The following PLCG2 variants were observed in gnomAD, a reference collection of about 807,000 sequenced individuals.
PLCG2 encodes the protein 1-phosphatidylinositol 4,5-bisphosphate phosphodiesterase gamma-2.
A neutral mutation model predicts 175.6 loss-of-function variants in PLCG2; 69 were observed. The ratio of observed to expected loss-of-function variants is 0.39; its 90% CI spans 0.32 to 0.48. The LOEUF (loss-of-function observed/expected upper bound fraction) is 0.48. Among genes scored for constraint, PLCG2 ranks in the 20% least tolerant of loss-of-function variants. The probability of loss-of-function intolerance (pLI) is 0.91; values close to 1 mark genes in which losing one functional copy is unlikely to be tolerated. For missense variants in PLCG2, 1,798 were observed against 1,650.9 expected, an observed-to-expected ratio of 1.09 and a Z score of -1.54; for synonymous variants, 827 against 624.0, an observed-to-expected ratio of 1.33 and a Z score of -4.85.
At chr16:81,818,180 C>T (rs186281329) in intron 2 of PLCG2, among the ~76,000 whole-genome samples, 165 of 152,338 alleles carry the variant, frequency 1.1e-3, no homozygotes, top group South Asian at 3.7e-3. Flanking sequence ...AGGATTGCTT[C>T]GGCCCTCTGT....
At chr16:81,751,352 G>A (rs1235768877) in intron 1 of PLCG2, among the ~76,000 whole-genome samples, 1 of 152,180 alleles carries the variant, frequency 6.6e-6, no homozygotes, top group African/African-American at 2.4e-5. Context: ...AGAACATTAT[G>A]CTAAGTGAAA....
chr16:81,811,155 A>G (rs150947179), intron 2 of PLCG2, among the ~76,000 whole-genome samples: 17 of 152,280 alleles, frequency 1.1e-4, no homozygotes, highest in African/African-American at 3.9e-4. Context: ...TTGGGGTTGA[A>G]CAAGCCTGGG....
chr16:81,911,519 C>T (rs1021286355), intron 18 of PLCG2, among the ~76,000 whole-genome samples: 1 of 152,100 alleles, frequency 6.6e-6, no homozygotes, highest in African/African-American at 2.4e-5. Flanking sequence ...CTCGCAGCAG[C>T]CTCGAGCTCC....
At chr16:81,915,955 C>T (rs560402637) in intron 19 of PLCG2, among the ~76,000 whole-genome samples, 1 of 152,302 alleles carries the variant, frequency 6.6e-6, no homozygotes, top group South Asian at 2.1e-4. Context: ...GTAGAAAGCA[C>T]AGTTTTCTAG....
chr16:81,790,583 C>T (rs9930647), intron 2 of PLCG2, among the ~76,000 whole-genome samples: 1 of 152,206 alleles, frequency 6.6e-6, no homozygotes, highest in East Asian at 1.9e-4. Flanking sequence ...CAGGAACTTG[C>T]TGGTTACTGT....
chr16:81,813,034 A>G (rs1046104749), intron 2 of PLCG2, among the ~76,000 whole-genome samples: 6 of 152,114 alleles, frequency 3.9e-5, no homozygotes, highest in African/African-American at 7.2e-5. Flanking sequence ...AATGGTCTGT[A>G]TATCTATTTT....
In PLCG2 at chr16:81,910,649, C is replaced by G. The variant is rs1380649546; in HGVS notation, c.1863C>G (p.His621Gln). The change falls in exon 18 of 33, where the codon CAC (histidine) becomes CAG (glutamine). Residue 621 changes from histidine to glutamine, a missense_variant. Coordinates refer to ENST00000564138, the MANE Select transcript of PLCG2 (RefSeq NM_002661.5). ...TCATCCAGCACTACCGCGAGACGCA[C>G]CTGCGCTGCGCCGAGTTCGAGCTGC... ...YALIQHYRETHLRCAEFELRL... is the reference protein window; with the variant it reads ...YALIQHYRETQLRCAEFELRL... 1.2e-6 allele frequency: 2 copies of G among 1,613,922 alleles called. No individual in the cohort carries two copies. The highest frequency in any genetic ancestry group is 2.7e-5 in the African/African-American group (2 of 75,072).
At chr16:81,835,164 A>G (rs1282576319) in intron 2 of PLCG2, among the ~76,000 whole-genome samples, 1 of 152,240 alleles carries the variant, frequency 6.6e-6, no homozygotes, top group Non-Finnish European at 1.5e-5. Flanking sequence ...TTTGAGCCTT[A>G]GAATTTTATG....
intron 2 of PLCG2, among the ~76,000 whole-genome samples, chr16:81,789,571 G>A (rs1911134452): frequency 1.3e-5 from 2 of 152,202 alleles, no homozygotes; most frequent in South Asian, 4.1e-4. Context: ...TTACAGACAG[G>A]AACTACCATG....
chr16:81,857,382 CTTG>C (rs1323313927), intron 3 of PLCG2, among the ~76,000 whole-genome samples: 1 of 152,158 alleles, frequency 6.6e-6, no homozygotes, highest in Non-Finnish European at 1.5e-5. Context: ...ATAATGGATT[CTTG>C]TTTAAAATCC....
chr16:81,923,230 C>T (rs1910128357), intron 21 of PLCG2, among the ~76,000 whole-genome samples: 2 of 144,078 alleles, frequency 1.4e-5, no homozygotes, highest in African/African-American at 5.1e-5. Context: ...CAAACCCTAA[C>T]TCCTAACCCC....
Position 81,910,703 on chromosome 16 carries a change from C to A in PLCG2, c.1917C>A (p.Asn639Lys). The change falls in exon 18 of 33, where the codon AAC (asparagine) becomes AAA (lysine). Residue 639 changes from asparagine (N) to lysine (K), a missense_variant. Transcript: ENST00000564138. Reference protein sequence around the residue: ...LRLTDPVPNPNPHESKPWYYD... With the variant: ...LRLTDPVPNPKPHESKPWYYD... The stretch of plus-strand genomic sequence containing the variant: ...TCACGGACCCTGTGCCCAACCCCAA[C>A]CCCCACGAGTCCAAGCCGTACGTGT... 1 of 1,610,028 alleles carries A rather than the reference C, an allele frequency of 6.2e-7. No homozygotes were observed. The highest frequency in any genetic ancestry group is 8.5e-7 in the Non-Finnish European group (1 of 1,179,940).
intron 2 of PLCG2, among the ~76,000 whole-genome samples, chr16:81,829,289 A>C (rs1436327995): frequency 6.6e-6 from 1 of 152,080 alleles, no homozygotes; most frequent in African/African-American, 2.4e-5. Context: ...TTGTATTTTT[A>C]GTAGAGATGG....
Position 81,908,609 on chromosome 16 carries a change from G to C in PLCG2, c.1733+18G>C. ...TCCTTCTGGTAATGCCCCCGACCCA[G>C]GGAACGCCTACCTTCTTCTCCATGC... On this transcript the variant is annotated intron_variant, in intron 17 of 32. Coordinates refer to ENST00000564138, the MANE Select transcript of PLCG2 (RefSeq NM_002661.5). 1 of 1,591,500 alleles carries C rather than the reference G, an allele frequency of 6.3e-7. No individual in the cohort carries two copies. Among genetic ancestry groups the C allele is most frequent in the Non-Finnish European group, 8.6e-7 (1 of 1,167,986 alleles).
intron 9 of PLCG2, among the ~76,000 whole-genome samples, chr16:81,885,090 C>G (rs1342778543): frequency 1.3e-5 from 2 of 150,390 alleles, no homozygotes. Context: ...CTTGCTCTGT[C>G]ACCAGGCTGG....
At chr16:81,894,232 C>A (rs113397265) in intron 12 of PLCG2, among the ~76,000 whole-genome samples, 74 of 152,032 alleles carry the variant, frequency 4.9e-4, no homozygotes, top group African/African-American at 1.7e-3. Flanking sequence ...AGTTTGAGAC[C>A]AGCCTGGGCG....
chr16:81,907,398 G>C (rs1286233468), intron 15 of PLCG2, among the ~76,000 whole-genome samples: 1 of 152,124 alleles, frequency 6.6e-6, no homozygotes, highest in Non-Finnish European at 1.5e-5. Flanking sequence ...TTAAAAGGTA[G>C]ATGGAATAGA....
intron 2 of PLCG2, among the ~76,000 whole-genome samples, chr16:81,829,800 C>T (rs1905189260): frequency 1.3e-5 from 2 of 152,164 alleles, no homozygotes; most frequent in Non-Finnish European, 2.9e-5. Flanking sequence ...GTGCTGAGTC[C>T]CTTTCTCCTT....
intron 1 of PLCG2, among the ~76,000 whole-genome samples, chr16:81,741,496 T>G (rs1029248454): frequency 2.0e-5 from 3 of 152,206 alleles, no homozygotes; most frequent in Non-Finnish European, 4.4e-5. Context: ...CAGAGTGACA[T>G]TTTGATACAC....
Sources: allele counts gnomAD v4.1 joint callset (sites outside exome capture counted in the v4.1 genomes callset), GRCh38; gene constraint gnomAD v4.1.1; transcripts MANE v1.5; gene names NCBI Gene and HGNC (gene_info 2026-07-23, HGNC 2026-07-21).